Variants in DNAJC25 observed in about 807,000 individuals in gnomAD.
DNAJC25 encodes DnaJ heat shock protein family (Hsp40) member C25, also known as dnaJ homolog subfamily C member 25.
DNAJC25 carries 26 observed loss-of-function variants against 42.1 expected under a neutral mutation model. That is an observed-to-expected ratio of 0.62 (90% CI 0.45 to 0.86). The LOEUF is 0.86. Ranked by LOEUF, DNAJC25 falls within the 40% of genes least tolerant of loss-of-function variation. The pLI is 0.00. For synonymous variants in DNAJC25, 189 were observed against 179.9 expected, an observed-to-expected ratio of 1.05 and a Z score of -0.40; for missense variants, 404 against 459.4, an observed-to-expected ratio of 0.88 and a Z score of 1.10.
At position 111,653,969 on chromosome 9, in the gene DNAJC25, C is replaced by T. The variant is rs1292450650; in HGVS notation, c.*747C>T. ...TTCTCAACATTTCTCCAGAAAGGAC[C>T]TTGTAAAAAGGTCTTTTGTACCACA... On this transcript the variant is annotated 3_prime_UTR_variant, in exon 4 of 4. Transcript: ENST00000313525. 10 of 152,502 alleles carry T rather than the reference C, an allele frequency of 6.6e-5. No individual in the cohort carries two copies. In the Middle Eastern group the frequency reaches 0.014, roughly 207 times the overall value. 9.4% of individuals were successfully genotyped at this position (152,502 alleles called of 1,614,324 possible).
chr9:111,639,706 G>GGT (rs1198111073), intron 1 of DNAJC25, among the ~76,000 whole-genome samples: 34 of 148,380 alleles, frequency 2.3e-4, no homozygotes, highest in African/African-American at 8.4e-4. Context: ...TGTGTGTATG[G>GGT]GTGTGTGTGT....
intron 1 of DNAJC25, among the ~76,000 whole-genome samples, chr9:111,642,600 TATCAATAA>T (rs1184729667): frequency 1.2e-5 from 1 of 85,300 alleles, no homozygotes; most frequent in African/African-American, 5.1e-5. Context: ...ACCCAAGAAT[TATCAATAA>T]ATAAATAAAT....
chr9:111,641,183 G>T (rs1830454589), intron 1 of DNAJC25, among the ~76,000 whole-genome samples: 1 of 125,768 alleles, frequency 8.0e-6, no homozygotes, highest in South Asian at 2.6e-4. Flanking sequence ...AGGTGGGGGG[G>T]TCAGCCCCCC....
At position 111,653,308 on chromosome 9, in the gene DNAJC25, C is replaced by T. The variant is rs923808798; in HGVS notation, c.*86C>T. 1.4e-5 allele frequency: 19 copies of T among 1,351,454 alleles called. No individual in the cohort carries two copies. The highest frequency in any genetic ancestry group is 2.8e-5 in the Admixed American group (1 of 35,794). The allele number at this position is 1,351,454 out of a possible 1,614,324, so 83.7% of individuals were successfully genotyped here. A position where few individuals can be genotyped will look rare whatever the true frequency, so the allele number is the denominator to read the frequency against. On this transcript the variant is annotated 3_prime_UTR_variant, in exon 4 of 4. Transcript: ENST00000313525. ...ATTTTAGAAATGTATCAATTGACTG[C>T]TGCTCAGCAGTAACTAAAATTCCTC... is the stretch of plus-strand genomic sequence containing the variant.
intron 3 of DNAJC25, among the ~76,000 whole-genome samples, chr9:111,652,712 T>C (rs571719715): frequency 6.6e-6 from 1 of 151,474 alleles, no homozygotes; most frequent in African/African-American, 2.4e-5. Flanking sequence ...CAGCTAATTT[T>C]TTCTATTTTT....
In DNAJC25 at chr9:111,647,185, A is replaced by C; in HGVS notation, c.415A>C (p.Ser139Arg). 1 of 1,614,174 alleles carries C rather than the reference A, an allele frequency of 6.2e-7. No individual in the cohort carries two copies. Among genetic ancestry groups the C allele is most frequent in the Non-Finnish European group, 8.5e-7 (1 of 1,180,020 alleles). ...CTACAGCCATTACTACCACTACTATAGCAGGCGCTTGGCCCCTAAGGTGGA... is the reference window on the plus strand; with the variant it reads ...CTACAGCCATTACTACCACTACTATCGCAGGCGCTTGGCCCCTAAGGTGGA... ...EYYSHYYHYY[S>R]RRLAPKVDVR... The change falls in exon 2 of 4, where the codon AGC (serine) becomes CGC (arginine). Residue 139 changes from serine to arginine, a missense_variant. By Grantham distance (110) the Ser-to-Arg change is moderately radical. Coordinates refer to ENST00000313525, the MANE Select transcript of DNAJC25 (RefSeq NM_001015882.3).
rs1808736569 is a variant in DNAJC25 at position 111,653,345 on chromosome 9, T to C, written c.*123T>C. ...AACTAAAATTCCTCAAGTATTTGAT[T>C]AAACAGAATAATGTCAAAATTTAAA... On this transcript the variant is annotated 3_prime_UTR_variant, in exon 4 of 4. Coordinates refer to ENST00000313525, the MANE Select transcript of DNAJC25 (RefSeq NM_001015882.3). 3 of 1,154,560 alleles carry C rather than the reference T, an allele frequency of 2.6e-6. No homozygotes were observed. Among genetic ancestry groups the C allele is most frequent in the Admixed American group, 3.3e-5 (1 of 30,642 alleles). 71.5% of individuals were successfully genotyped at this position (1,154,560 alleles called of 1,614,324 possible). A position where few individuals can be genotyped will look rare whatever the true frequency, so the allele number is the denominator to read the frequency against.
chr9:111,638,576 G>T (rs963927360), intron 1 of DNAJC25, among the ~76,000 whole-genome samples: 2 of 151,668 alleles, frequency 1.3e-5, no homozygotes, highest in African/African-American at 4.8e-5. Flanking sequence ...CAAACTTGCT[G>T]TTTTTTTTCC....
chr9:111,639,660 T>C lies in DNAJC25; in HGVS notation c.337-7447T>C, dbSNP rs1265092862. Among the ~76,000 whole-genome samples the C allele has an allele frequency of 2.6e-5, 4 of 151,690 alleles. No homozygotes were observed. The East Asian group carries it at 7.7e-4, about 29-fold the overall frequency. ...AAATTTAGACTAGAGGTTGTTTTTT[T>C]TTTTTGAAGGATCATTTCAAAAAAA... On this transcript the variant is annotated intron_variant, in intron 1 of 3. Coordinates refer to ENST00000313525, the MANE Select transcript of DNAJC25 (RefSeq NM_001015882.3).
intron 2 of DNAJC25, among the ~76,000 whole-genome samples, chr9:111,648,238 C>G (rs1240691845): frequency 1.3e-5 from 2 of 151,422 alleles, no homozygotes; most frequent in African/African-American, 4.9e-5. Flanking sequence ...AATTACTTCT[C>G]CAGTTTCATT....
At chr9:111,635,409 AAATT>A in intron 1 of DNAJC25, among the ~76,000 whole-genome samples, 1 of 152,224 alleles carries the variant, frequency 6.6e-6, no homozygotes. Context: ...CATTTCACTC[AAATT>A]AATTGCAGTT....
chr9:111,652,045 A>C (rs1421452206), intron 3 of DNAJC25, among the ~76,000 whole-genome samples: 1 of 152,190 alleles, frequency 6.6e-6, no homozygotes, highest in Non-Finnish European at 1.5e-5. Context: ...AAGATCACCA[A>C]ATCTGAAAGT....
intron 1 of DNAJC25, among the ~76,000 whole-genome samples, chr9:111,634,193 A>G (rs534286736): frequency 3.0e-4 from 45 of 152,362 alleles, no homozygotes; most frequent in Non-Finnish European, 4.6e-4. Context: ...ACATATATTC[A>G]TCTTCCAAGT....
intron 3 of DNAJC25, among the ~76,000 whole-genome samples, chr9:111,652,606 A>T (rs1049590424): frequency 1.0e-4 from 15 of 148,574 alleles, no homozygotes; most frequent in Middle Eastern, 3.3e-3. Context: ...CAATGGCATG[A>T]TCTCAGCTCA....
chr9:111,647,013 A>T (rs1360219696), intron 1 of DNAJC25, 94 bp from the exon 2 acceptor site: 5 of 1,338,662 alleles, frequency 3.7e-6, no homozygotes, highest in Admixed American at 2.7e-5. Context: ...TTAACCTTAC[A>T]TAATTATAAA....
intron 2 of DNAJC25, among the ~76,000 whole-genome samples, chr9:111,648,118 C>G (rs573086638): frequency 1.3e-4 from 20 of 152,318 alleles, no homozygotes; most frequent in African/African-American, 4.3e-4. Context: ...AATTTAACTT[C>G]TGCCTGAAAT....
chr9:111,635,449 T>TTGGA (rs1830349206), intron 1 of DNAJC25, among the ~76,000 whole-genome samples: 1 of 152,178 alleles, frequency 6.6e-6, no homozygotes, highest in African/African-American at 2.4e-5. Context: ...GATAAGTAAA[T>TTGGA]TGGACGGTTA....
chr9:111,651,130 G>A (rs1333345160), intron 3 of DNAJC25, among the ~76,000 whole-genome samples: 5 of 151,778 alleles, frequency 3.3e-5, no homozygotes, highest in African/African-American at 1.2e-4. Flanking sequence ...TGGGCCTGGT[G>A]GTGCGTGCAT....
At chr9:111,634,291 A>G (rs1027146663) in intron 1 of DNAJC25, among the ~76,000 whole-genome samples, 5 of 152,340 alleles carry the variant, frequency 3.3e-5, no homozygotes, top group South Asian at 4.1e-4. Context: ...TGTGGGAGCA[A>G]TTATTACAGG....
Sources: allele counts gnomAD v4.1 joint callset (sites outside exome capture counted in the v4.1 genomes callset), GRCh38; gene constraint gnomAD v4.1.1; transcripts MANE v1.5; gene names NCBI Gene and HGNC (gene_info 2026-07-23, HGNC 2026-07-21).